Variants in ERBB4 observed in about 807,000 individuals in gnomAD.
ERBB4 encodes receptor tyrosine-protein kinase erbB-4.
ERBB4 carries 42 observed loss-of-function variants against 158.0 expected under a neutral mutation model. That is an observed-to-expected ratio of 0.27 (90% CI 0.21 to 0.34). The LOEUF is 0.34. ERBB4 is among the 10% of genes least tolerant of loss of function. The pLI, the probability that ERBB4 is intolerant of heterozygous loss-of-function variation, is 1.00. For missense variants in ERBB4, 1,333 were observed against 1,624.1 expected (o/e 0.82, Z 3.08); for synonymous variants, 583 against 558.7 (o/e 1.04, Z -0.61).
chr2:211,479,970 T>A (rs1428807006), intron 20 of ERBB4, among the ~76,000 whole-genome samples: 3 of 152,148 alleles, frequency 2.0e-5, no homozygotes, highest in African/African-American at 7.2e-5. Context: ...CATGGTCTCA[T>A]GGGAAATGCA....
chr2:212,222,238 C>A (rs2083312203), intron 1 of ERBB4, among the ~76,000 whole-genome samples: 1 of 151,490 alleles, frequency 6.6e-6, no homozygotes, highest in Non-Finnish European at 1.5e-5. Context: ...AGGAAATTCA[C>A]AACCAGAAAT....
intron 2 of ERBB4, among the ~76,000 whole-genome samples, chr2:211,954,589 A>G (rs760253531): frequency 6.6e-6 from 1 of 152,124 alleles, no homozygotes; most frequent in Non-Finnish European, 1.5e-5. Context: ...CTTAAGGTCA[A>G]TAGACTAAGT....
chr2:211,523,999 C>T (rs2066263989), intron 20 of ERBB4, among the ~76,000 whole-genome samples: 2 of 152,044 alleles, frequency 1.3e-5, no homozygotes, highest in South Asian at 4.2e-4. Flanking sequence ...AAAGGTTCTC[C>T]AAGGCCCCAC....
At chr2:211,517,462 C>T (rs2066066792) in intron 20 of ERBB4, among the ~76,000 whole-genome samples, 1 of 151,910 alleles carries the variant, frequency 6.6e-6, no homozygotes, top group African/African-American at 2.4e-5. Flanking sequence ...AAATAGTTTC[C>T]TGTATCTTTT....
chr2:212,049,096 A>G (rs191630355), intron 2 of ERBB4, among the ~76,000 whole-genome samples: 58 of 152,358 alleles, frequency 3.8e-4, no homozygotes, highest in African/African-American at 1.3e-3. Context: ...CGTGTTTTAC[A>G]TTGCTAAGGT....
rs1574501727 is a variant in ERBB4, at chr2:211,383,471, T to A, written c.*144A>T. ...CTAATGTTCAAGTTAGGTAAGCACA[T>A]AACTATCATTGCATCTCTGTATCTT... On this transcript the variant is annotated 3_prime_UTR_variant, in exon 28 of 28. Coordinates refer to ENST00000342788, the MANE Select transcript of ERBB4 (RefSeq NM_005235.3). 4 of 690,740 alleles carry A rather than the reference T, an allele frequency of 5.8e-6. No homozygotes were observed. In the East Asian group the frequency reaches 1.1e-4, roughly 18 times the overall value. The allele number at this position is 690,740 out of a possible 1,614,324, so 42.8% of individuals were successfully genotyped here.
intron 20 of ERBB4, among the ~76,000 whole-genome samples, chr2:211,509,671 G>C (rs1428039159): frequency 1.3e-5 from 2 of 152,042 alleles, no homozygotes; most frequent in Non-Finnish European, 2.9e-5. Context: ...TACACAATGG[G>C]AGAGAATATT....
At chr2:211,744,880 T>G (rs1341478725) in intron 5 of ERBB4, among the ~76,000 whole-genome samples, 3 of 152,220 alleles carry the variant, frequency 2.0e-5, no homozygotes, top group African/African-American at 7.2e-5. Context: ...AAGGAAATAT[T>G]TGGTAAATCA....
chr2:211,705,461 C>T, intron 9 of ERBB4, 70 bp from the exon 10 acceptor site: 2 of 1,001,034 alleles, frequency 2.0e-6, no homozygotes, highest in South Asian at 1.3e-5. Flanking sequence ...AGAAATGTGA[C>T]AATATTTTAT....
chr2:212,298,117 T>C (rs73066390), intron 1 of ERBB4, among the ~76,000 whole-genome samples: 2,258 of 151,898 alleles, frequency 0.015, 58 homozygotes, highest in African/African-American at 0.052. Context: ...CAAGAATCTT[T>C]TGGAAACTGA....
intron 1 of ERBB4, among the ~76,000 whole-genome samples, chr2:212,167,256 AC>A (rs563025824): frequency 3.4e-4 from 51 of 151,708 alleles, no homozygotes; most frequent in African/African-American, 1.2e-3. Flanking sequence ...GAAAAAAACA[AC>A]CCCATCAAAA....
At chr2:211,826,807 G>T (rs752752116) in intron 3 of ERBB4, among the ~76,000 whole-genome samples, 15 of 152,010 alleles carry the variant, frequency 9.9e-5, no homozygotes, top group Non-Finnish European at 1.9e-4. Flanking sequence ...TGCTATATGT[G>T]TATTTCTGCA....
chr2:212,104,301 T>A (rs1229862743), intron 2 of ERBB4, among the ~76,000 whole-genome samples: 2 of 152,124 alleles, frequency 1.3e-5, no homozygotes, highest in African/African-American at 4.8e-5. Context: ...GCCTGGTCCA[T>A]AACAGAATAT....
chr2:211,682,499 A>C (rs2072390784), intron 12 of ERBB4, among the ~76,000 whole-genome samples: 1 of 152,174 alleles, frequency 6.6e-6, no homozygotes, highest in Non-Finnish European at 1.5e-5. Flanking sequence ...TGATATTTAA[A>C]AAAATATCTG....
chr2:212,128,143 G>T (rs1432047836), intron 1 of ERBB4, among the ~76,000 whole-genome samples: 3 of 152,092 alleles, frequency 2.0e-5, no homozygotes, highest in Non-Finnish European at 4.4e-5. Flanking sequence ...TTCATTTATT[G>T]CCTTTGAGAA....
At chr2:212,450,487 G>A (rs1372052862) in intron 1 of ERBB4, among the ~76,000 whole-genome samples, 1 of 152,112 alleles carries the variant, frequency 6.6e-6, no homozygotes, top group Non-Finnish European at 1.5e-5. Context: ...GAGGCCATAA[G>A]CCAAGGAACA....
At chr2:212,451,281 T>C (rs751972567) in intron 1 of ERBB4, among the ~76,000 whole-genome samples, 5 of 152,342 alleles carry the variant, frequency 3.3e-5, no homozygotes, top group Non-Finnish European at 1.5e-5. Flanking sequence ...ATTTGCACTG[T>C]GTATACAAAA....
chr2:211,476,266 G>C (rs1040815689), intron 20 of ERBB4, among the ~76,000 whole-genome samples: 2 of 152,100 alleles, frequency 1.3e-5, no homozygotes, highest in Non-Finnish European at 2.9e-5. Flanking sequence ...TGAAACCTTT[G>C]TGGGAGTGAT....
At chr2:211,431,246 A>C in intron 20 of ERBB4, 146 bp from the exon 21 acceptor site, 1 of 719,180 alleles carries the variant, frequency 1.4e-6, no homozygotes, top group Non-Finnish European at 2.3e-6. Context: ...AATTAGAGAA[A>C]ACCTGATTTG....
Sources: allele counts gnomAD v4.1 joint callset (sites outside exome capture counted in the v4.1 genomes callset), GRCh38; gene constraint gnomAD v4.1.1; transcripts MANE v1.5; gene names NCBI Gene and HGNC (gene_info 2026-07-23, HGNC 2026-07-21).